The following CAMKMT variants were observed in gnomAD, a reference collection of about 807,000 sequenced individuals.
The protein encoded by CAMKMT is calmodulin-lysine N-methyltransferase.
A neutral mutation model predicts 48.0 loss-of-function variants in CAMKMT; 53 were observed. That is an observed-to-expected ratio of 1.10 (90% CI 0.89 to 1.39). CAMKMT has a LOEUF of 1.39. Among genes scored for constraint, CAMKMT ranks in the 40% most tolerant of loss-of-function variants. CAMKMT has a pLI of 0.00. For synonymous variants in CAMKMT, 165 were observed against 152.3 expected (o/e 1.08, Z -0.61); for missense variants, 428 against 402.7 (o/e 1.06, Z -0.54).
intron 3 of CAMKMT, among the ~76,000 whole-genome samples, chr2:44,675,346 C>T (rs1274024965): frequency 6.6e-6 from 1 of 152,114 alleles, no homozygotes; most frequent in Non-Finnish European, 1.5e-5. Flanking sequence ...TTTTCTTCAT[C>T]TCTGCAATCT....
At chr2:44,407,927 A>G (rs1682894645) in intron 3 of CAMKMT, among the ~76,000 whole-genome samples, 1 of 152,122 alleles carries the variant, frequency 6.6e-6, no homozygotes, top group Admixed American at 6.5e-5. Context: ...TGTAATAGTA[A>G]GTTGTACTAA....
chr2:44,690,441 G>A (rs1199461934), intron 3 of CAMKMT, among the ~76,000 whole-genome samples: 1 of 152,134 alleles, frequency 6.6e-6, no homozygotes, highest in Non-Finnish European at 1.5e-5. Flanking sequence ...TCAGGGTTGG[G>A]GCACAGAATG....
chr2:44,582,504 A>G (rs190003412), intron 3 of CAMKMT, among the ~76,000 whole-genome samples: 11 of 152,326 alleles, frequency 7.2e-5, no homozygotes, highest in Non-Finnish European at 1.0e-4. Flanking sequence ...TATAAAGGTC[A>G]GTGGTTACCT....
At chr2:44,470,548 G>T (rs1335043908) in intron 3 of CAMKMT, among the ~76,000 whole-genome samples, 2 of 152,126 alleles carry the variant, frequency 1.3e-5, no homozygotes, top group Non-Finnish European at 1.5e-5. Flanking sequence ...GAGATACCTT[G>T]TTATAGCTTT....
At chr2:44,721,463 A>T (rs1269215643) in intron 7 of CAMKMT, among the ~76,000 whole-genome samples, 2 of 152,168 alleles carry the variant, frequency 1.3e-5, no homozygotes, top group African/African-American at 4.8e-5. Flanking sequence ...GTAGTTACTT[A>T]TTCACAGTGT....
At chr2:44,545,001 G>A (rs967482197) in intron 3 of CAMKMT, among the ~76,000 whole-genome samples, 2 of 152,084 alleles carry the variant, frequency 1.3e-5, no homozygotes, top group African/African-American at 2.4e-5. Context: ...TAATCAATGA[G>A]GACATAATAC....
At chr2:44,748,178 A>G (rs1182678340) in intron 8 of CAMKMT, among the ~76,000 whole-genome samples, 1 of 152,244 alleles carries the variant, frequency 6.6e-6, no homozygotes, top group Non-Finnish European at 1.5e-5. Context: ...AAGTGAGCTT[A>G]CTTGGAATAA....
At chr2:44,737,773 T>C (rs115828403) in intron 7 of CAMKMT, among the ~76,000 whole-genome samples, 1,584 of 152,156 alleles carry the variant, frequency 0.01, 24 homozygotes, top group African/African-American at 0.036. Context: ...TCTCTCTCTC[T>C]TTCTCTCTCA....
chr2:44,506,264 A>C (rs976128911), intron 3 of CAMKMT, among the ~76,000 whole-genome samples: 1 of 152,134 alleles, frequency 6.6e-6, no homozygotes, highest in African/African-American at 2.4e-5. Context: ...AAATAAGGAA[A>C]GTTGAAATTC....
At chr2:44,683,822 CAAAAAAAAAA>C (rs10644183) in intron 3 of CAMKMT, among the ~76,000 whole-genome samples, 9 of 70,938 alleles carry the variant, frequency 1.3e-4, no homozygotes, top group African/African-American at 2.7e-4. Flanking sequence ...GACTCTGTCT[CAAAAAAAAAA>C]AAAAAAAAAA....
chr2:44,535,217 G>C (rs1306215345), intron 3 of CAMKMT, among the ~76,000 whole-genome samples: 1 of 152,052 alleles, frequency 6.6e-6, no homozygotes, highest in East Asian at 1.9e-4. Flanking sequence ...AACCTGAATA[G>C]ACCAATAACA....
intron 3 of CAMKMT, among the ~76,000 whole-genome samples, chr2:44,682,669 A>G (rs907693805): frequency 1.3e-5 from 2 of 152,246 alleles, no homozygotes; most frequent in Non-Finnish European, 2.9e-5. Context: ...TCACAGCCTC[A>G]GATAAATACC....
At chr2:44,731,529 T>C (rs1389180601) in intron 7 of CAMKMT, among the ~76,000 whole-genome samples, 1 of 152,322 alleles carries the variant, frequency 6.6e-6, no homozygotes, top group East Asian at 1.9e-4. Flanking sequence ...CATTAGGTTT[T>C]ATTACAAACT....
intron 3 of CAMKMT, among the ~76,000 whole-genome samples, chr2:44,408,182 C>T (rs374948142): frequency 6.6e-6 from 1 of 151,894 alleles, no homozygotes; most frequent in Non-Finnish European, 1.5e-5. Flanking sequence ...CACACCACCA[C>T]GTCCAGCTAA....
chr2:44,444,376 C>A (rs1666856163), intron 3 of CAMKMT, among the ~76,000 whole-genome samples: 1 of 152,148 alleles, frequency 6.6e-6, no homozygotes, highest in African/African-American at 2.4e-5. Context: ...TTATATGTAT[C>A]ATTCCCAGAT....
chr2:44,428,781 A>G (rs990973107), intron 3 of CAMKMT, among the ~76,000 whole-genome samples: 1 of 152,218 alleles, frequency 6.6e-6, no homozygotes, highest in African/African-American at 2.4e-5. Flanking sequence ...TAATAACTCA[A>G]ATTCCACCAG....
intron 3 of CAMKMT, among the ~76,000 whole-genome samples, chr2:44,665,919 C>T (rs1674940031): frequency 6.6e-6 from 1 of 152,164 alleles, no homozygotes; most frequent in Non-Finnish European, 1.5e-5. Flanking sequence ...AGAAGTGGTT[C>T]TATTTTGTCC....
chr2:44,403,851 T>G (rs141428301), intron 3 of CAMKMT, among the ~76,000 whole-genome samples: 2 of 152,206 alleles, frequency 1.3e-5, no homozygotes, highest in Non-Finnish European at 2.9e-5. Context: ...CCAGTTTACA[T>G]GTATTGAGAT....
chr2:44,641,397 G>A (rs1194920838), intron 3 of CAMKMT, among the ~76,000 whole-genome samples: 1 of 151,984 alleles, frequency 6.6e-6, no homozygotes, highest in East Asian at 1.9e-4. Flanking sequence ...TATGTATTAG[G>A]AACAGCAGTT....
Sources: gnomAD v4.1 joint callset for allele counts (sites outside exome capture counted in the v4.1 genomes callset) on GRCh38, gnomAD v4.1.1 for gene constraint, MANE v1.5 for transcripts, NCBI Gene and HGNC (gene_info 2026-07-23, HGNC 2026-07-21) for gene names.